NTM: variants seen among roughly 807,000 people sequenced by gnomAD.
NTM encodes the protein neurotrimin, also known as IgLON family member 2.
Under a neutral mutation model 42.1 loss-of-function variants are expected in NTM, and 13 were observed. That is an observed-to-expected ratio of 0.31 (90% CI 0.20 to 0.49). The LOEUF (loss-of-function observed/expected upper bound fraction) is 0.49. Ranked by LOEUF, NTM falls within the 20% of genes least tolerant of loss-of-function variation. The pLI is 0.99. For synonymous variants in NTM, 187 were observed against 179.2 expected (o/e 1.04, Z -0.35); for missense variants, 373 against 452.8 (o/e 0.82, Z 1.60).
At chr11:132,079,871 C>T (rs1294724574) in intron 2 of NTM, among the ~76,000 whole-genome samples, 1 of 152,142 alleles carries the variant, frequency 6.6e-6, no homozygotes, top group Non-Finnish European at 1.5e-5. Context: ...GAGTTAATAT[C>T]ACCTAATATA....
intron 2 of NTM, among the ~76,000 whole-genome samples, chr11:132,046,125 A>G (rs368047539): frequency 6.6e-6 from 1 of 152,228 alleles, no homozygotes; most frequent in East Asian, 1.9e-4. Flanking sequence ...AATGGGGATA[A>G]TAATAGTGCT....
intron 1 of NTM, among the ~76,000 whole-genome samples, chr11:131,462,166 T>A (rs1441287870): frequency 6.6e-6 from 1 of 152,208 alleles, no homozygotes. Flanking sequence ...AGAGGCTGAA[T>A]ACTGTATTAT....
chr11:131,821,284 C>T (rs1167837721), intron 1 of NTM, among the ~76,000 whole-genome samples: 3 of 152,162 alleles, frequency 2.0e-5, no homozygotes, highest in African/African-American at 7.2e-5. Context: ...CTTTGTTTTC[C>T]ATCCTTGAGC....
chr11:131,419,873 A>G (rs1263248879), intron 1 of NTM, among the ~76,000 whole-genome samples: 1 of 152,128 alleles, frequency 6.6e-6, no homozygotes, highest in Non-Finnish European at 1.5e-5. Flanking sequence ...AATGTGGGGC[A>G]GAGCTGGCTG....
intron 2 of NTM, among the ~76,000 whole-genome samples, chr11:132,056,374 A>G (rs959306876): frequency 2.0e-5 from 3 of 152,220 alleles, no homozygotes; most frequent in African/African-American, 4.8e-5. Context: ...TAAATTTTCA[A>G]TGTAGCAGTT....
chr11:131,538,221 C>T (rs543075735), intron 1 of NTM: 2 of 152,272 alleles, frequency 1.3e-5, no homozygotes, highest in East Asian at 3.9e-4. Flanking sequence ...TCCAGCAATG[C>T]ACAGGACTGT....
Position 132,177,878 on chromosome 11 carries a change from A to G in NTM, c.400+31364A>G, listed in dbSNP as rs143158601. Among the ~76,000 whole-genome samples the G allele has an allele frequency of 6.8e-3, 1,031 of 152,324 alleles. 10 individuals carry two copies. Among genetic ancestry groups the G allele is most frequent in the African/African-American group, 0.023 (956 of 41,566 alleles). On this transcript the variant is annotated intron_variant, in intron 3 of 8. Coordinates refer to ENST00000683400, the MANE Select transcript of NTM (RefSeq NM_001352005.2). ...TCCCAATTGCTTCAGGCAATGGATC[A>G]AAACTTTTAAAATACAGGGACACAG...
At chr11:131,402,278 T>C (rs1945327387) in intron 1 of NTM, among the ~76,000 whole-genome samples, 1 of 152,122 alleles carries the variant, frequency 6.6e-6, no homozygotes, top group Non-Finnish European at 1.5e-5. Flanking sequence ...TCTGCTATAA[T>C]ACTCAGTTCC....
intron 2 of NTM, among the ~76,000 whole-genome samples, chr11:132,117,601 T>C (rs2136870552): frequency 1.3e-5 from 2 of 152,294 alleles, no homozygotes; most frequent in South Asian, 4.2e-4. Context: ...CTAAAATCTG[T>C]TGGGCTGATG....
intron 1 of NTM, among the ~76,000 whole-genome samples, chr11:131,406,123 CAG>C (rs1945787154): frequency 6.6e-6 from 1 of 152,128 alleles, no homozygotes; most frequent in Admixed American, 6.5e-5. Flanking sequence ...TTCAAAATGA[CAG>C]GGTATTGTCT....
intron 2 of NTM, among the ~76,000 whole-genome samples, chr11:132,103,689 G>A (rs80136222): frequency 6.6e-6 from 1 of 152,326 alleles, no homozygotes; most frequent in African/African-American, 2.4e-5. Flanking sequence ...GGAAGGTAGT[G>A]TGCATATTTT....
chr11:131,729,347 A>G (rs1002082274), intron 1 of NTM, among the ~76,000 whole-genome samples: 2 of 152,204 alleles, frequency 1.3e-5, no homozygotes, highest in Non-Finnish European at 2.9e-5. Context: ...GTTATTGTGG[A>G]CTGCTAATGA....
At chr11:131,466,372 G>A (rs2324488) in intron 1 of NTM, among the ~76,000 whole-genome samples, 2 of 152,102 alleles carry the variant, frequency 1.3e-5, no homozygotes, top group African/African-American at 2.4e-5. Context: ...TACAACAGGT[G>A]CTATTATTAT....
At position 131,972,042 on chromosome 11, in the gene NTM, CAAAAAA is replaced by C. The variant is rs61627120; in HGVS notation, c.167+60410_167+60415del. Among the ~76,000 whole-genome samples the C allele has an allele frequency of 9.2e-4, 53 of 57,830 alleles. No individual in the cohort carries two copies. The Middle Eastern group carries it at 0.043, about 47-fold the overall frequency. The allele number at this position is 57,830 out of a possible 152,430, so 37.9% of individuals were successfully genotyped here. A position where few individuals can be genotyped will look rare whatever the true frequency, so the allele number is the denominator to read the frequency against. ...TGGGCGACAGAGTGAGACTCCGTCTCAAAAAAAAAAAAAAAAAAAAATTAGCCAGGT... is the reference window on the plus strand; with the variant it reads ...TGGGCGACAGAGTGAGACTCCGTCTCAAAAAAAAAAAAAAATTAGCCAGGT... On this transcript the variant is annotated intron_variant, in intron 2 of 8. Transcript: ENST00000683400.
chr11:131,564,673 T>C (rs1232070535), intron 1 of NTM, among the ~76,000 whole-genome samples: 1 of 152,166 alleles, frequency 6.6e-6, no homozygotes, highest in Non-Finnish European at 1.5e-5. Context: ...TTCATGTCCA[T>C]TCATTTTACT....
intron 1 of NTM, among the ~76,000 whole-genome samples, chr11:131,884,550 A>AGCG (rs2050069919): frequency 1.3e-5 from 2 of 152,218 alleles, no homozygotes; most frequent in Non-Finnish European, 2.9e-5. Flanking sequence ...CCCACACCAC[A>AGCG]GCGGCCATGT....
intron 2 of NTM, among the ~76,000 whole-genome samples, chr11:131,971,066 C>T (rs2063469383): frequency 6.6e-6 from 1 of 151,974 alleles, no homozygotes; most frequent in East Asian, 1.9e-4. Flanking sequence ...GAGAAATTTC[C>T]CTAGTTTCAT....
chr11:132,008,483 G>A (rs1037438474), intron 2 of NTM, among the ~76,000 whole-genome samples: 4 of 151,796 alleles, frequency 2.6e-5, no homozygotes, highest in Admixed American at 2.0e-4. Flanking sequence ...ATGTTAAAGC[G>A]TTAGTATAGT....
chr11:131,942,690 A>T (rs1034188164), intron 2 of NTM, among the ~76,000 whole-genome samples: 2 of 152,146 alleles, frequency 1.3e-5, no homozygotes, highest in Non-Finnish European at 2.9e-5. Flanking sequence ...TTATGCTTGT[A>T]ATCCCAAAAT....
Sources: gnomAD v4.1 joint callset for allele counts (sites outside exome capture counted in the v4.1 genomes callset) on GRCh38, gnomAD v4.1.1 for gene constraint, MANE v1.5 for transcripts, NCBI Gene and HGNC (gene_info 2026-07-23, HGNC 2026-07-21) for gene names.